PDE7B: variants seen among roughly 807,000 people sequenced by gnomAD.
PDE7B encodes 3',5'-cyclic-AMP phosphodiesterase 7B.
A neutral mutation model predicts 56.2 loss-of-function variants in PDE7B; 29 were observed. The observed-to-expected ratio is 0.52, with a 90% CI of 0.38 to 0.70. PDE7B has a LOEUF of 0.70. Among genes scored for constraint, PDE7B ranks in the 30% least tolerant of loss-of-function variants. The pLI is 0.00. For synonymous variants in PDE7B, 197 were observed against 196.9 expected, an observed-to-expected ratio of 1.00 and a Z score of 0.00; for missense variants, 490 against 565.0, an observed-to-expected ratio of 0.87 and a Z score of 1.35.
At chr6:136,070,985 C>G (rs1485371686) in intron 2 of PDE7B, among the ~76,000 whole-genome samples, 1 of 152,118 alleles carries the variant, frequency 6.6e-6, no homozygotes, top group Admixed American at 6.5e-5. Context: ...ACAGAGCCAG[C>G]ATGAGGAGCC....
intron 2 of PDE7B, among the ~76,000 whole-genome samples, chr6:135,978,717 A>C (rs1775237687): frequency 1.3e-5 from 2 of 152,062 alleles, no homozygotes; most frequent in Non-Finnish European, 2.9e-5. Flanking sequence ...AAACCGAGAC[A>C]CATTGATTTT....
intron 2 of PDE7B, among the ~76,000 whole-genome samples, chr6:136,025,811 C>T (rs142479126): frequency 1.3e-5 from 2 of 152,324 alleles, no homozygotes; most frequent in East Asian, 3.9e-4. Flanking sequence ...TAGGGCCAGA[C>T]TTGAATATCT....
chr6:136,123,284 A>C (rs1392280822), intron 3 of PDE7B, among the ~76,000 whole-genome samples: 1 of 152,206 alleles, frequency 6.6e-6, no homozygotes, highest in Admixed American at 6.5e-5. Context: ...TGAGCCCAGG[A>C]GTTCAAGGCT....
intron 2 of PDE7B, among the ~76,000 whole-genome samples, chr6:135,981,433 A>G (rs2128204256): frequency 6.6e-6 from 1 of 151,328 alleles, no homozygotes; most frequent in South Asian, 2.1e-4. Context: ...AACTTAAAGT[A>G]TAATAATAAT....
intron 2 of PDE7B, among the ~76,000 whole-genome samples, chr6:136,007,103 G>A (rs905087327): frequency 4.6e-5 from 7 of 152,124 alleles, no homozygotes; most frequent in African/African-American, 7.2e-5. Context: ...AGTTTATTGG[G>A]AGTTTTTAAC....
At chr6:135,932,421 G>A (rs1774310248) in intron 1 of PDE7B, among the ~76,000 whole-genome samples, 1 of 151,792 alleles carries the variant, frequency 6.6e-6, no homozygotes, top group African/African-American at 2.4e-5. Flanking sequence ...ACACCCCATA[G>A]ATGTATACAC....
chr6:135,970,752 G>A (rs1775080746), intron 2 of PDE7B, among the ~76,000 whole-genome samples: 1 of 152,156 alleles, frequency 6.6e-6, no homozygotes, highest in African/African-American at 2.4e-5. Flanking sequence ...TGGGCACTGG[G>A]AAAGAACTAC....
chr6:136,068,796 T>A (rs1479259469), intron 2 of PDE7B, among the ~76,000 whole-genome samples: 1 of 152,176 alleles, frequency 6.6e-6, no homozygotes, highest in African/African-American at 2.4e-5. Flanking sequence ...CGATTGTAAA[T>A]GTTTCTTAAT....
chr6:136,089,502 G>T (rs1344797934), intron 2 of PDE7B, among the ~76,000 whole-genome samples: 1 of 152,132 alleles, frequency 6.6e-6, no homozygotes, highest in Non-Finnish European at 1.5e-5. Flanking sequence ...TGATGACCCT[G>T]GTACTCAGCG....
At chr6:136,015,026 C>T (rs1034647786) in intron 2 of PDE7B, among the ~76,000 whole-genome samples, 2 of 152,200 alleles carry the variant, frequency 1.3e-5, no homozygotes, top group Admixed American at 1.3e-4. Context: ...TATGCGTGTG[C>T]GTGTACGTGT....
intron 2 of PDE7B, among the ~76,000 whole-genome samples, chr6:136,008,215 T>G (rs1452956333): frequency 6.6e-6 from 1 of 152,152 alleles, no homozygotes; most frequent in Non-Finnish European, 1.5e-5. Context: ...TGCCACATTT[T>G]CTTAATCCAG....
intron 1 of PDE7B, among the ~76,000 whole-genome samples, chr6:135,929,554 C>T (rs1265414896): frequency 6.6e-6 from 1 of 152,140 alleles, no homozygotes; most frequent in East Asian, 1.9e-4. Context: ...ACTAAATTAA[C>T]TTCACTGGGG....
chr6:136,188,966 G>C (rs1779181666), intron 12 of PDE7B, among the ~76,000 whole-genome samples: 1 of 152,156 alleles, frequency 6.6e-6, no homozygotes. Flanking sequence ...ATCAGGCTAA[G>C]CCAGAAAAAT....
intron 2 of PDE7B, among the ~76,000 whole-genome samples, chr6:136,009,136 G>T (rs1038361838): frequency 5.9e-5 from 9 of 152,104 alleles, no homozygotes; most frequent in Non-Finnish European, 1.3e-4. Flanking sequence ...TCAAAGATCA[G>T]ATGGTTGTAG....
intron 1 of PDE7B, among the ~76,000 whole-genome samples, chr6:135,895,019 A>G (rs1382843401): frequency 2.0e-5 from 3 of 152,118 alleles, no homozygotes; most frequent in Non-Finnish European, 4.4e-5. Flanking sequence ...ATAGGATTAC[A>G]ATTAGAATTT....
chr6:136,068,678 G>T (rs969896774), intron 2 of PDE7B, among the ~76,000 whole-genome samples: 6 of 151,960 alleles, frequency 3.9e-5, no homozygotes, highest in African/African-American at 1.5e-4. Flanking sequence ...TGATCCACCC[G>T]CCTCGGCCTC....
intron 2 of PDE7B, among the ~76,000 whole-genome samples, chr6:136,052,206 G>A (rs777527067): frequency 6.6e-6 from 1 of 152,134 alleles, no homozygotes; most frequent in Non-Finnish European, 1.5e-5. Flanking sequence ...ATAAAAAGTA[G>A]GAGGAAAGAG....
chr6:135,908,806 G>C (rs535568135), intron 1 of PDE7B, among the ~76,000 whole-genome samples: 1 of 152,264 alleles, frequency 6.6e-6, no homozygotes, highest in East Asian at 1.9e-4. Context: ...GGTGGGTCTA[G>C]TGAGAAAGAA....
intron 2 of PDE7B, among the ~76,000 whole-genome samples, chr6:135,966,354 T>C (rs770584021): frequency 6.6e-6 from 1 of 151,996 alleles, no homozygotes; most frequent in Non-Finnish European, 1.5e-5. Context: ...TCATAGTTAA[T>C]GGCTTACTCA....
Sources: gnomAD v4.1 joint callset for allele counts (sites outside exome capture counted in the v4.1 genomes callset) on GRCh38, gnomAD v4.1.1 for gene constraint, MANE v1.5 for transcripts, NCBI Gene and HGNC (gene_info 2026-07-23, HGNC 2026-07-21) for gene names.